FOXN3: variants seen among roughly 807,000 people sequenced by gnomAD.
FOXN3 encodes the protein forkhead box N3, also known as forkhead box protein N3.
A neutral mutation model predicts 38.4 loss-of-function variants in FOXN3; 7 were observed. The ratio of observed to expected loss-of-function variants is 0.18; its 90% CI spans 0.10 to 0.34. FOXN3 has a LOEUF of 0.34. FOXN3 is among the 10% of genes least tolerant of loss of function. The pLI is 1.00. For synonymous variants in FOXN3, 230 were observed against 242.2 expected (o/e 0.95, Z 0.47); for missense variants, 456 against 613.4 (o/e 0.74, Z 2.71).
chr14:89,582,734 A>G (rs1413822232), intron 1 of FOXN3, among the ~76,000 whole-genome samples: 2 of 152,064 alleles, frequency 1.3e-5, no homozygotes, highest in Non-Finnish European at 2.9e-5. Flanking sequence ...CATGATCATC[A>G]TCTCCAAAAG....
chr14:89,184,801 T>C (rs1887761693), intron 4 of FOXN3, among the ~76,000 whole-genome samples: 1 of 152,228 alleles, frequency 6.6e-6, no homozygotes, highest in Non-Finnish European at 1.5e-5. Flanking sequence ...CTCATCATCG[T>C]CATCGTCACC....
chr14:89,232,614 G>A (rs1038792294), intron 4 of FOXN3, among the ~76,000 whole-genome samples: 1 of 152,110 alleles, frequency 6.6e-6, no homozygotes, highest in African/African-American at 2.4e-5. Flanking sequence ...TTTCAATATT[G>A]GTTTAACTAA....
chr14:89,284,568 A>G (rs1265108037), intron 3 of FOXN3: 4 of 456,080 alleles, frequency 8.8e-6, no homozygotes, highest in Admixed American at 2.3e-5. Flanking sequence ...ACTCTCTCCA[A>G]GGCAAAGTCC....
chr14:89,188,891 C>T (rs1285257908), intron 4 of FOXN3, among the ~76,000 whole-genome samples: 3 of 151,794 alleles, frequency 2.0e-5, no homozygotes, highest in African/African-American at 7.3e-5. Flanking sequence ...AAATATGAAA[C>T]ATCATTTAAA....
intron 5 of FOXN3, among the ~76,000 whole-genome samples, chr14:89,167,148 G>C (rs1324457322): frequency 9.2e-5 from 14 of 152,194 alleles, no homozygotes; most frequent in Admixed American, 6.5e-4. Context: ...ATTCATCTCA[G>C]ATAAAACCTG....
chr14:89,460,160 C>G (rs1276244363), intron 1 of FOXN3, among the ~76,000 whole-genome samples: 2 of 152,122 alleles, frequency 1.3e-5, no homozygotes, highest in African/African-American at 4.8e-5. Context: ...CAAGGACATC[C>G]TAGTTACACC....
intron 4 of FOXN3, among the ~76,000 whole-genome samples, chr14:89,207,529 T>C (rs1204182380): frequency 6.6e-6 from 1 of 152,186 alleles, no homozygotes; most frequent in Non-Finnish European, 1.5e-5. Context: ...AACTGAGGAT[T>C]TGCTCCAAAA....
chr14:89,350,569 A>C, intron 3 of FOXN3, 103 bp downstream of exon 3: 1 of 1,040,846 alleles, frequency 9.6e-7, no homozygotes, highest in Non-Finnish European at 1.3e-6. Context: ...ACCTGCAGTT[A>C]TTTTTAAAAT....
At chr14:89,511,895 A>AAACC (rs1217403112) in intron 1 of FOXN3, among the ~76,000 whole-genome samples, 1 of 152,150 alleles carries the variant, frequency 6.6e-6, no homozygotes, top group Non-Finnish European at 1.5e-5. Flanking sequence ...GCCTCTTATA[A>AAACC]AACCATCAGA....
Position 89,376,008 on chromosome 14 carries a change from C to T in FOXN3, c.544-25200G>A, listed in dbSNP as rs773875052. Reference sequence around the variant, plus strand: ...ATGTTGGCCAGGCTGGTCTCAAACTCCTGACCTCAAATGATCCACCTGCCT... The same window carrying T: ...ATGTTGGCCAGGCTGGTCTCAAACTTCTGACCTCAAATGATCCACCTGCCT... On this transcript the variant is annotated intron_variant, in intron 2 of 5. Coordinates refer to ENST00000557258, the MANE Select transcript of FOXN3 (RefSeq NM_005197.4). Among the ~76,000 whole-genome samples, 71 of 152,146 alleles carry T rather than the reference C, an allele frequency of 4.7e-4. 1 individual carries two copies. The highest frequency in any genetic ancestry group is 1.5e-4 in the Non-Finnish European group (10 of 68,036).
chr14:89,494,258 T>C (rs1893636512), intron 1 of FOXN3: 1 of 152,204 alleles, frequency 6.6e-6, no homozygotes, highest in South Asian at 2.1e-4. Flanking sequence ...CAAACACAGC[T>C]AGGGTAGAGT....
rs371966690 is a variant in FOXN3, at chr14:89,511,250, T to C, written c.-14-98760A>G. Among the ~76,000 whole-genome samples the C allele has an allele frequency of 3.8e-4, 5 of 13,062 alleles. 1 individual carries two copies. The highest frequency in any genetic ancestry group is 2.3e-3 in the East Asian group (1 of 430). The allele number at this position is 13,062 out of a possible 152,430, so 8.6% of individuals were successfully genotyped here. A position where few individuals can be genotyped will look rare whatever the true frequency, so the allele number is the denominator to read the frequency against. ...TTCTTTTCTTTCCTTTTCTTTCTTT[T>C]CTTTCTTTCTTTCTTTCTTTCTTTC... On this transcript the variant is annotated intron_variant, in intron 1 of 6. Coordinates refer to the FOXN3 transcript ENST00000345097.
chr14:89,505,366 A>C (rs1201244237), intron 1 of FOXN3, among the ~76,000 whole-genome samples: 12 of 148,266 alleles, frequency 8.1e-5, no homozygotes, highest in African/African-American at 2.8e-4. Flanking sequence ...GCTCACTGCA[A>C]CCTCCCTGCC....
chr14:89,578,054 T>A (rs2139905763), intron 1 of FOXN3, among the ~76,000 whole-genome samples: 1 of 152,306 alleles, frequency 6.6e-6, no homozygotes, highest in South Asian at 2.1e-4. Flanking sequence ...CCACAGCTCT[T>A]CAGGGCTCTA....
At chr14:89,528,376 C>CTTTTTT (rs55935162) in intron 1 of FOXN3, among the ~76,000 whole-genome samples, 657 of 53,578 alleles carry the variant, frequency 0.012, 116 homozygotes, top group Middle Eastern at 0.033. Flanking sequence ...ATGGATGAAT[C>CTTTTTT]TTTTTTTTTT....
chr14:89,286,466 T>G (rs1317648079), intron 3 of FOXN3, among the ~76,000 whole-genome samples: 4 of 152,144 alleles, frequency 2.6e-5, no homozygotes, highest in Admixed American at 1.3e-4. Flanking sequence ...GCTTACCCAC[T>G]ACTCTTAAGC....
At chr14:89,425,754 G>T (rs1400081749) in intron 1 of FOXN3, among the ~76,000 whole-genome samples, 1 of 152,274 alleles carries the variant, frequency 6.6e-6, no homozygotes, top group Admixed American at 6.5e-5. Flanking sequence ...GCTCCTAGGG[G>T]AAATATGGGG....
chr14:89,316,994 T>G, intron 3 of FOXN3, among the ~76,000 whole-genome samples: 1 of 152,126 alleles, frequency 6.6e-6, no homozygotes, highest in South Asian at 2.1e-4. Flanking sequence ...AGCCATTAAT[T>G]TGAGGTGTTT....
intron 3 of FOXN3, among the ~76,000 whole-genome samples, chr14:89,326,375 T>C (rs899890452): frequency 6.6e-4 from 101 of 152,354 alleles, no homozygotes; most frequent in African/African-American, 2.3e-3. Flanking sequence ...TTTTGCTTCA[T>C]GTGCTGCTTT....
Sources: allele counts gnomAD v4.1 joint callset (sites outside exome capture counted in the v4.1 genomes callset), GRCh38; gene constraint gnomAD v4.1.1; transcripts MANE v1.5; gene names NCBI Gene and HGNC (gene_info 2026-07-23, HGNC 2026-07-21).